Variants in QNG1 observed in about 807,000 individuals in gnomAD.
The protein encoded by QNG1 is Q-nucleotide N-glycosylase 1.
the QNG1 span, chr9:83,944,709 A>T: frequency 2.3e-5 from 24 of 1,027,622 alleles, no homozygotes; most frequent in South Asian, 4.6e-5. Context: ...CTTTTTTTTT[A>T]AAGCAAAGGA....
chr9:83,953,252 T>C, the QNG1 span, among the ~76,000 whole-genome samples: 11 of 152,126 alleles, frequency 7.2e-5, 1 homozygote, highest in Admixed American at 2.0e-4. Flanking sequence ...TTTTTAAAAA[T>C]TGAACTTTTC....
the QNG1 span, among the ~76,000 whole-genome samples, chr9:83,954,693 A>G: frequency 6.6e-6 from 1 of 151,892 alleles, no homozygotes; most frequent in African/African-American, 2.4e-5. Context: ...CAGCCTGGCC[A>G]ACATGGTGAA....
At chr9:83,950,049 ATT>A in the QNG1 span, among the ~76,000 whole-genome samples, 27 of 136,928 alleles carry the variant, frequency 2.0e-4, no homozygotes, top group Admixed American at 3.7e-4. Flanking sequence ...ACATTTTCCT[ATT>A]TTTTTTTTTT....
the QNG1 span, among the ~76,000 whole-genome samples, chr9:83,954,452 T>C: frequency 2.6e-5 from 4 of 152,146 alleles, no homozygotes; most frequent in South Asian, 8.3e-4. Flanking sequence ...TGTGGTGGCA[T>C]GCGCCTGTAG....
the QNG1 span, among the ~76,000 whole-genome samples, chr9:83,947,943 G>C: frequency 6.6e-6 from 1 of 152,130 alleles, no homozygotes; most frequent in African/African-American, 2.4e-5. Flanking sequence ...ACCCCGTATG[G>C]GAAGTGAGGA....
At chr9:83,955,753 AC>A in the QNG1 span, 2 of 984,608 alleles carry the variant, frequency 2.0e-6, no homozygotes, top group Non-Finnish European at 3.1e-6. Context: ...ATAGGAATGC[AC>A]CAAAAGTGGA....
At chr9:83,956,482 G>C in the QNG1 span, 40 of 1,524,064 alleles carry the variant, frequency 2.6e-5, no homozygotes, top group Non-Finnish European at 3.5e-5. Context: ...GATTCCCTGG[G>C]ATTTAGGAGC....
chr9:83,939,572 T>C, the QNG1 span: 2 of 1,614,212 alleles, frequency 1.2e-6, no homozygotes, highest in Non-Finnish European at 1.7e-6. Flanking sequence ...CCTATGGTCA[T>C]GGGCATAGTC....
the QNG1 span, chr9:83,955,418 T>C: frequency 1.2e-6 from 2 of 1,614,166 alleles, no homozygotes; most frequent in East Asian, 2.2e-5. Context: ...AGGAAAACTT[T>C]CAACCACCAG....
At chr9:83,955,534 C>A in the QNG1 span, 1 of 1,614,178 alleles carries the variant, frequency 6.2e-7, no homozygotes, top group Non-Finnish European at 8.5e-7. Flanking sequence ...GAATCCGATG[C>A]CTCTCTTCTA....
the QNG1 span, chr9:83,953,907 T>C: frequency 2.7e-6 from 3 of 1,104,702 alleles, no homozygotes; most frequent in Non-Finnish European, 4.0e-6. Context: ...AGAAATACTT[T>C]TTTGAGATAG....
At chr9:83,942,222 G>C in the QNG1 span, among the ~76,000 whole-genome samples, 95 of 152,336 alleles carry the variant, frequency 6.2e-4, no homozygotes, top group Non-Finnish European at 1.2e-3. Flanking sequence ...GCAACTTACA[G>C]TATGGGATAG....
At chr9:83,939,578 T>C in the QNG1 span, 4 of 1,614,004 alleles carry the variant, frequency 2.5e-6, no homozygotes, top group Admixed American at 5.0e-5. Flanking sequence ...GTCATGGGCA[T>C]AGTCCCATAA....
chr9:83,955,739 T>A, the QNG1 span: 2 of 1,168,772 alleles, frequency 1.7e-6, no homozygotes, highest in Non-Finnish European at 2.5e-6. Flanking sequence ...ACCAAATGAG[T>A]GGTATAGGAA....
chr9:83,939,377 A>C, the QNG1 span: 2 of 659,086 alleles, frequency 3.0e-6, no homozygotes, highest in Non-Finnish European at 5.3e-6. Context: ...CGGCCTAGGA[A>C]GTATTTTTCA....
At chr9:83,956,822 G>C in the QNG1 span, 1 of 279,140 alleles carries the variant, frequency 3.6e-6, no homozygotes. Flanking sequence ...AAACTGCTAA[G>C]GGTCCGGCGT....
At chr9:83,955,784 A>G in the QNG1 span, 4 of 776,398 alleles carry the variant, frequency 5.2e-6, no homozygotes, top group Admixed American at 2.6e-5. Context: ...AATCTAAAGC[A>G]AAACTCATTT....
the QNG1 span, among the ~76,000 whole-genome samples, chr9:83,942,107 C>G: frequency 1.3e-5 from 2 of 152,154 alleles, no homozygotes; most frequent in African/African-American, 4.8e-5. Context: ...TTTCAGACTT[C>G]CAGTCTCCAG....
the QNG1 span, among the ~76,000 whole-genome samples, chr9:83,948,324 C>A: frequency 9.8e-6 from 1 of 102,482 alleles, no homozygotes; most frequent in Non-Finnish European, 2.7e-5. Flanking sequence ...CGGCAGCCGC[C>A]CCGTCTGGGA....
Sources: gnomAD v4.1 joint callset for allele counts (sites outside exome capture counted in the v4.1 genomes callset) on GRCh38, gnomAD v4.1.1 for gene constraint, MANE v1.5 for transcripts, NCBI Gene and HGNC (gene_info 2026-07-23, HGNC 2026-07-21) for gene names.